The following CCDC3 variants were observed in gnomAD, a reference collection of about 807,000 sequenced individuals.
CCDC3 encodes the protein coiled-coil domain containing 3, also known as coiled-coil domain-containing protein 3.
In CCDC3, 24 loss-of-function variants were observed where a neutral mutation model predicts 21.4. The observed-to-expected ratio is 1.12, with a 90% CI of 0.81 to 1.58. The LOEUF (loss-of-function observed/expected upper bound fraction) is 1.58, where lower values mean the gene tolerates loss of function less well. Ranked by LOEUF, CCDC3 falls within the 40% of genes most tolerant of loss-of-function variation. The pLI is 0.00. For missense variants in CCDC3, 425 were observed against 360.9 expected, an observed-to-expected ratio of 1.18 and a Z score of -1.44; for synonymous variants, 186 against 166.0, an observed-to-expected ratio of 1.12 and a Z score of -0.93.
intron 4 of CCDC3, among the ~76,000 whole-genome samples, chr10:13,052,572 G>A (rs1023770165): frequency 2.6e-5 from 4 of 152,086 alleles, no homozygotes; most frequent in Non-Finnish European, 5.9e-5. Flanking sequence ...TGCACCTATC[G>A]CTAACGATAC....
intron 5 of CCDC3, among the ~76,000 whole-genome samples, chr10:13,036,024 G>C (rs1027792899): frequency 6.6e-6 from 1 of 152,116 alleles, no homozygotes; most frequent in Non-Finnish European, 1.5e-5. Flanking sequence ...TGCACCTGCA[G>C]TCCCGGCTAC....
chr10:12,911,362 A>C (rs1834268365), intron 2 of CCDC3, among the ~76,000 whole-genome samples: 1 of 152,200 alleles, frequency 6.6e-6, no homozygotes, highest in African/African-American at 2.4e-5. Flanking sequence ...TAAGTCCTCA[A>C]CAGAGTCACT....
At chr10:12,936,859 G>T (rs1834747199) in intron 2 of CCDC3, among the ~76,000 whole-genome samples, 1 of 152,240 alleles carries the variant, frequency 6.6e-6, no homozygotes, top group Non-Finnish European at 1.5e-5. Context: ...GCTACAGTGA[G>T]TTGTGATTAC....
At chr10:13,077,115 C>T (rs1460022262) in intron 3 of CCDC3, among the ~76,000 whole-genome samples, 2 of 152,152 alleles carry the variant, frequency 1.3e-5, no homozygotes, top group African/African-American at 4.8e-5. Flanking sequence ...AAAACCCCAT[C>T]GTCTCAGCCC....
intron 4 of CCDC3, chr10:13,058,324 G>T: frequency 7.6e-7 from 1 of 1,309,698 alleles, no homozygotes; most frequent in Non-Finnish European, 1.1e-6. Context: ...GGCCTTCATA[G>T]ATCTTGTCCA....
rs548536082 is a variant in CCDC3 at position 13,019,008 on chromosome 10, C to T, written c.-1-20496G>A. 1.4e-3 allele frequency among the ~76,000 whole-genome samples: 214 copies of T among 151,734 alleles called. 1 individual carries two copies. The highest frequency in any genetic ancestry group is 4.5e-3 in the African/African-American group (187 of 41,396). On this transcript the variant is annotated intron_variant, in intron 5 of 6. Coordinates refer to the CCDC3 transcript ENST00000378839. ...CAGCACTTTGGGAGGCCGAGGCGGG[C>T]GGATCACAAGGTCAGGAGATCGAGA...
chr10:12,927,403 TACTC>T (rs1357442248), intron 2 of CCDC3, among the ~76,000 whole-genome samples: 3 of 152,248 alleles, frequency 2.0e-5, no homozygotes, highest in African/African-American at 7.2e-5. Flanking sequence ...TACTAGCTAA[TACTC>T]AGTACAACTG....
At position 12,983,702 on chromosome 10, in the gene CCDC3, A is replaced by G. The variant is rs1835542447; in HGVS notation, c.549+14636T>C. On this transcript the variant is annotated intron_variant, in intron 2 of 2. Coordinates refer to ENST00000378825, the MANE Select transcript of CCDC3 (RefSeq NM_031455.4). Reference sequence around the variant, plus strand: ...AAAAAAATGGGCAAAAGATATGAACATTTTACCAAAGAGGCCGGACAGATG... The same window carrying G: ...AAAAAAATGGGCAAAAGATATGAACGTTTTACCAAAGAGGCCGGACAGATG... 2.0e-5 allele frequency among the ~76,000 whole-genome samples: 3 copies of G among 151,848 alleles called. 1 individual carries two copies. Among genetic ancestry groups the G allele is most frequent in the African/African-American group, 4.8e-5 (2 of 41,330 alleles).
At chr10:13,076,653 T>A (rs1836968406) in intron 3 of CCDC3, among the ~76,000 whole-genome samples, 4 of 152,222 alleles carry the variant, frequency 2.6e-5, no homozygotes, top group African/African-American at 9.6e-5. Context: ...TCTATGTCCT[T>A]GTACTTTAAC....
At chr10:12,949,234 G>C (rs1255023925) in intron 2 of CCDC3, among the ~76,000 whole-genome samples, 1 of 152,202 alleles carries the variant, frequency 6.6e-6, no homozygotes, top group Non-Finnish European at 1.5e-5. Context: ...CGGGAATAAA[G>C]ACCACATATC....
intron 2 of CCDC3, among the ~76,000 whole-genome samples, chr10:12,960,585 A>AC (rs1246873332): frequency 1.3e-5 from 2 of 152,170 alleles, no homozygotes; most frequent in African/African-American, 4.8e-5. Context: ...GTACTTTCGT[A>AC]GTAGGCTCTA....
At chr10:13,085,721 C>T (rs540769137) in intron 3 of CCDC3, among the ~76,000 whole-genome samples, 1 of 152,182 alleles carries the variant, frequency 6.6e-6, no homozygotes, top group East Asian at 1.9e-4. Flanking sequence ...AATCCCAGCA[C>T]TTTGGGAGGC....
At chr10:13,048,784 A>C (rs896018203) in intron 5 of CCDC3, among the ~76,000 whole-genome samples, 1 of 135,718 alleles carries the variant, frequency 7.4e-6, no homozygotes, top group African/African-American at 2.6e-5. Flanking sequence ...GATTAAAATT[A>C]GATGTAAAGT....
intron 3 of CCDC3, among the ~76,000 whole-genome samples, chr10:13,081,791 T>C (rs989537491): frequency 1.4e-4 from 22 of 152,154 alleles, no homozygotes; most frequent in African/African-American, 5.1e-4. Flanking sequence ...CTAAAATGGA[T>C]TAAATATTCC....
At chr10:12,990,326 G>A (rs1320616375) in intron 2 of CCDC3, among the ~76,000 whole-genome samples, 1 of 151,428 alleles carries the variant, frequency 6.6e-6, no homozygotes, top group Non-Finnish European at 1.5e-5. Context: ...CCTGACTCTT[G>A]CATACACATT....
Position 12,941,509 on chromosome 10 carries a change from G to A in CCDC3, c.550-42830C>T, listed in dbSNP as rs544115439. On this transcript the variant is annotated intron_variant, in intron 2 of 2. Transcript: ENST00000378825. ...TCTGGTAACAGGTGGGCTTCAGAGG[G>A]CTATGTGCACATCTTGGCACTGAAT... 2.6e-5 allele frequency among the ~76,000 whole-genome samples: 4 copies of A among 152,268 alleles called. No individual in the cohort carries two copies. In the South Asian group the frequency reaches 8.3e-4, roughly 32 times the overall value.
chr10:13,023,875 C>T (rs1023624102), intron 5 of CCDC3, among the ~76,000 whole-genome samples: 1 of 152,136 alleles, frequency 6.6e-6, no homozygotes, highest in Non-Finnish European at 1.5e-5. Flanking sequence ...CTGGCCTACA[C>T]ACACCCAATA....
chr10:12,982,517 G>T (rs2131272653), intron 2 of CCDC3, among the ~76,000 whole-genome samples: 1 of 151,960 alleles, frequency 6.6e-6, no homozygotes, highest in East Asian at 1.9e-4. Context: ...AAATCGGCCG[G>T]GTGCAGTGGC....
Position 12,961,087 on chromosome 10 carries a change from G to A in CCDC3, c.549+37251C>T, listed in dbSNP as rs78193925. On this transcript the variant is annotated intron_variant, in intron 2 of 2. Transcript: ENST00000378825. ...TGGATGGCCTCCGAGGTGTCGTCAG[G>A]GAGCACCACCTTCCAGAAACATCTC... is the stretch of plus-strand genomic sequence containing the variant. Among the ~76,000 whole-genome samples the A allele has an allele frequency of 1.6e-3, 245 of 152,236 alleles. 1 individual carries two copies. Among genetic ancestry groups the A allele is most frequent in the Non-Finnish European group, 3.1e-3 (208 of 68,014 alleles).
Sources: allele counts gnomAD v4.1 joint callset (sites outside exome capture counted in the v4.1 genomes callset), GRCh38; gene constraint gnomAD v4.1.1; transcripts MANE v1.5; gene names NCBI Gene and HGNC (gene_info 2026-07-23, HGNC 2026-07-21).